GRM8: variants seen among roughly 807,000 people sequenced by gnomAD.
The protein encoded by GRM8 is glutamate metabotropic receptor 8.
A neutral mutation model predicts 87.2 loss-of-function variants in GRM8; 47 were observed. That is an observed-to-expected ratio of 0.54 (90% CI 0.43 to 0.69). The LOEUF (loss-of-function observed/expected upper bound fraction) is 0.69, where lower values mean the gene tolerates loss of function less well. GRM8 is among the 30% of genes least tolerant of loss of function. The probability of loss-of-function intolerance (pLI) is 0.00; values close to 1 mark genes in which losing one functional copy is unlikely to be tolerated. For synonymous variants in GRM8, 396 were observed against 404.5 expected (o/e 0.98, Z 0.25); for missense variants, 1,019 against 1,139.2 (o/e 0.89, Z 1.52).
intron 2 of GRM8, among the ~76,000 whole-genome samples, chr7:127,139,481 C>T (rs1828138447): frequency 6.6e-6 from 1 of 152,094 alleles, no homozygotes; most frequent in Non-Finnish European, 1.5e-5. Flanking sequence ...ATAATCAAGT[C>T]TAAGTAGATC....
At chr7:126,714,027 T>G (rs1253589520) in intron 7 of GRM8, among the ~76,000 whole-genome samples, 5 of 151,700 alleles carry the variant, frequency 3.3e-5, no homozygotes, top group Non-Finnish European at 5.9e-5. Flanking sequence ...ATCCCAGCAC[T>G]TTGGGAGGTC....
chr7:126,498,750 A>C (rs1809169469), intron 9 of GRM8, among the ~76,000 whole-genome samples: 1 of 151,998 alleles, frequency 6.6e-6, no homozygotes, highest in African/African-American at 2.4e-5. Flanking sequence ...CATTGGCAGT[A>C]CCTGTAAAAG....
chr7:126,925,183 A>G (rs1298846124), intron 3 of GRM8, among the ~76,000 whole-genome samples: 1 of 152,178 alleles, frequency 6.6e-6, no homozygotes, highest in Non-Finnish European at 1.5e-5. Flanking sequence ...GATTTCTTCT[A>G]TTTTTCTGCA....
chr7:126,713,896 CTTAA>C (rs1563116349), intron 7 of GRM8, among the ~76,000 whole-genome samples: 1 of 151,718 alleles, frequency 6.6e-6, no homozygotes, highest in Non-Finnish European at 1.5e-5. Context: ...TTCAATCTTT[CTTAA>C]TTAAACATTT....
intron 3 of GRM8, among the ~76,000 whole-genome samples, chr7:127,010,399 G>A (rs901022814): frequency 1.3e-5 from 2 of 152,044 alleles, no homozygotes; most frequent in Admixed American, 6.6e-5. Flanking sequence ...AGAATATTGG[G>A]AAATAACCGT....
intron 6 of GRM8, among the ~76,000 whole-genome samples, chr7:126,855,309 G>T (rs1797574903): frequency 6.6e-6 from 1 of 152,028 alleles, no homozygotes; most frequent in Non-Finnish European, 1.5e-5. Flanking sequence ...TAGCTAACTT[G>T]CATATTTTAT....
At chr7:127,173,539 C>T (rs867579935) in intron 2 of GRM8, among the ~76,000 whole-genome samples, 10 of 152,142 alleles carry the variant, frequency 6.6e-5, no homozygotes, top group East Asian at 1.9e-4. Flanking sequence ...ACCTTTAAAA[C>T]GACTTTGTCT....
chr7:126,813,581 A>T lies in GRM8; in HGVS notation c.1157-43516T>A, dbSNP rs563058021. Among the ~76,000 whole-genome samples the T allele has an allele frequency of 2.0e-5, 3 of 152,150 alleles. No individual in the cohort carries two copies. The East Asian group carries it at 5.8e-4, about 29-fold the overall frequency. ...CATCATTGGTGGGGAAGATTTATGG[A>T]CTGATGAGGCTATTTTTAGATCATG... is the stretch of plus-strand genomic sequence containing the variant. On this transcript the variant is annotated intron_variant, in intron 6 of 10. Transcript: ENST00000339582.
intron 6 of GRM8, among the ~76,000 whole-genome samples, chr7:126,775,142 A>G (rs1339147132): frequency 1.3e-5 from 2 of 152,106 alleles, no homozygotes; most frequent in Non-Finnish European, 2.9e-5. Flanking sequence ...TTCTCCCTGA[A>G]TTTTTCTGAA....
intron 7 of GRM8, among the ~76,000 whole-genome samples, chr7:126,613,840 G>A (rs888940428): frequency 3.3e-5 from 5 of 152,212 alleles, no homozygotes; most frequent in African/African-American, 7.2e-5. Flanking sequence ...AGGGGCACAC[G>A]CCATTGCTGA....
intron 3 of GRM8, among the ~76,000 whole-genome samples, chr7:126,923,637 G>T (rs548635860): frequency 2.2e-4 from 34 of 152,260 alleles, no homozygotes; most frequent in Non-Finnish European, 3.1e-4. Flanking sequence ...AGAGAACAGG[G>T]AAACACGTGA....
At position 127,170,370 on chromosome 7, in the gene GRM8, G is replaced by T. The variant is rs185827751; in HGVS notation, c.511-63658C>A. Among the ~76,000 whole-genome samples the T allele has an allele frequency of 3.5e-3, 539 of 152,254 alleles. 3 individuals are homozygous for T. Among genetic ancestry groups the T allele is most frequent in the African/African-American group, 0.012 (503 of 41,534 alleles). ...TGTTGGCATGGATGTGGTGAAAAGG[G>T]AACACTTTTACACTGCTGGTGGAAA... On this transcript the variant is annotated intron_variant, in intron 2 of 10. Coordinates refer to ENST00000339582, the MANE Select transcript of GRM8 (RefSeq NM_000845.3).
intron 3 of GRM8, among the ~76,000 whole-genome samples, chr7:127,063,305 A>T (rs920348056): frequency 2.0e-5 from 3 of 151,570 alleles, no homozygotes; most frequent in Non-Finnish European, 4.4e-5. Flanking sequence ...GCCAGGTGCC[A>T]TGGCTCATGC....
intron 7 of GRM8, among the ~76,000 whole-genome samples, chr7:126,749,933 T>C (rs1816219271): frequency 6.6e-6 from 1 of 152,160 alleles, no homozygotes; most frequent in Non-Finnish European, 1.5e-5. Flanking sequence ...AGTTTGTCAG[T>C]CTCTCGTACA....
intron 3 of GRM8, among the ~76,000 whole-genome samples, chr7:127,070,281 T>C (rs1183303925): frequency 5.3e-5 from 8 of 152,212 alleles, no homozygotes; most frequent in Admixed American, 3.9e-4. Flanking sequence ...AGGATCATTA[T>C]ATACAAGCCC....
Position 126,916,136 on chromosome 7 carries a change from A to G in GRM8, c.728-11453T>C, listed in dbSNP as rs554736966. ...TTCCAGCCCATTGCCTGGAAAAACC[A>G]TTATGACAAAGACAATATTGAAATC... On this transcript the variant is annotated intron_variant, in intron 3 of 10. Transcript: ENST00000339582. 4.6e-5 allele frequency among the ~76,000 whole-genome samples: 7 copies of G among 152,314 alleles called. No homozygotes were observed. In the South Asian group the frequency reaches 1.2e-3, roughly 27 times the overall value.
intron 6 of GRM8, among the ~76,000 whole-genome samples, chr7:126,811,245 G>A (rs1793258708): frequency 6.6e-6 from 1 of 151,932 alleles, no homozygotes; most frequent in South Asian, 2.1e-4. Context: ...TTTTATACTG[G>A]TACCATGCCG....
intron 3 of GRM8, among the ~76,000 whole-genome samples, chr7:127,049,388 C>T (rs996047430): frequency 3.3e-5 from 5 of 152,110 alleles, no homozygotes; most frequent in African/African-American, 9.7e-5. Context: ...CCAGTTTATT[C>T]GTGTTGAGTT....
intron 7 of GRM8, among the ~76,000 whole-genome samples, chr7:126,707,579 C>T (rs543248646): frequency 4.6e-5 from 7 of 152,202 alleles, no homozygotes; most frequent in African/African-American, 7.2e-5. Context: ...AAAGGTACAG[C>T]CCCCTGATGG....
Sources: gnomAD v4.1 joint callset for allele counts (sites outside exome capture counted in the v4.1 genomes callset) on GRCh38, gnomAD v4.1.1 for gene constraint, MANE v1.5 for transcripts, NCBI Gene and HGNC (gene_info 2026-07-23, HGNC 2026-07-21) for gene names.